PCDH11X: variants seen among roughly 807,000 people sequenced by gnomAD.
The protein encoded by PCDH11X is protocadherin 11 X-linked.
Under a neutral mutation model 53.3 loss-of-function variants are expected in PCDH11X, and 18 were observed. The observed-to-expected ratio is 0.34, with a 90% CI of 0.23 to 0.50. The LOEUF (loss-of-function observed/expected upper bound fraction) is 0.50. Among genes scored for constraint, PCDH11X ranks in the 20% least tolerant of loss-of-function variants. PCDH11X has a pLI of 0.98. For missense variants in PCDH11X, 570 were observed against 1,032.4 expected, an observed-to-expected ratio of 0.55 and a Z score of 6.14; for synonymous variants, 279 against 393.3, an observed-to-expected ratio of 0.71 and a Z score of 3.44.
intron 7 of PCDH11X, among the ~76,000 whole-genome samples, chrX:92,243,891 A>G (rs2067304156): frequency 8.9e-6 from 1 of 111,804 alleles, no homozygotes; most frequent in African/African-American, 3.2e-5. Context: ...GAATGTGAAT[A>G]AAGGGTAGAA....
chrX:91,905,684 T>G (rs1357748566), intron 6 of PCDH11X, among the ~76,000 whole-genome samples: 1 of 111,724 alleles, frequency 9.0e-6, no homozygotes, highest in Non-Finnish European at 1.9e-5. Context: ...CACATGATAT[T>G]TTCATTTTTC....
intron 8 of PCDH11X, among the ~76,000 whole-genome samples, chrX:92,305,528 A>G (rs764845725): frequency 2.7e-5 from 3 of 111,055 alleles, no homozygotes; most frequent in African/African-American, 9.8e-5. Flanking sequence ...CTATCAAATT[A>G]GGACCCCACC....
chrX:92,514,843 C>T (rs927279649), intron 10 of PCDH11X, among the ~76,000 whole-genome samples: 21 of 108,842 alleles, frequency 1.9e-4, no homozygotes, highest in South Asian at 4.0e-4. Flanking sequence ...GTCAGGAGAT[C>T]GAGACCATCC....
intron 6 of PCDH11X, among the ~76,000 whole-genome samples, chrX:91,940,140 C>T (rs2061490781): frequency 9.1e-6 from 1 of 110,454 alleles, no homozygotes; most frequent in Non-Finnish European, 1.9e-5. Context: ...TAGATCTGAT[C>T]ATTTAAAAGT....
intron 10 of PCDH11X, chrX:92,569,772 C>G (rs1921964532): frequency 4.6e-6 from 1 of 216,735 alleles, no homozygotes; most frequent in Non-Finnish European, 8.8e-6. Context: ...AATCCCAGCA[C>G]TTTGGGAGGC....
intron 9 of PCDH11X, among the ~76,000 whole-genome samples, chrX:92,432,603 A>T (rs2072274152): frequency 9.1e-6 from 1 of 110,069 alleles, no homozygotes; most frequent in South Asian, 3.8e-4. Flanking sequence ...AATAGTTGCT[A>T]AATAAATTCT....
intron 10 of PCDH11X, among the ~76,000 whole-genome samples, chrX:92,579,553 T>C (rs964604669): frequency 2.2e-4 from 25 of 111,333 alleles, no homozygotes; most frequent in Non-Finnish European, 4.1e-4. Flanking sequence ...TTGCTACTTG[T>C]GGTTGAATTG....
intron 6 of PCDH11X, among the ~76,000 whole-genome samples, chrX:92,020,644 A>T (rs1323681645): frequency 9.1e-6 from 1 of 109,727 alleles, no homozygotes; most frequent in Non-Finnish European, 1.9e-5. Context: ...GGCAGCCCAG[A>T]TAGGTGGGAT....
intron 6 of PCDH11X, among the ~76,000 whole-genome samples, chrX:91,948,139 TTTAA>T (rs1440448461): frequency 9.4e-6 from 1 of 105,875 alleles, no homozygotes. Flanking sequence ...AATACTATGC[TTTAA>T]TTAAGAGTTT....
At chrX:92,149,487 G>GTATATATATA (rs201866727) in intron 6 of PCDH11X, among the ~76,000 whole-genome samples, 1 of 102,704 alleles carries the variant, frequency 9.7e-6, no homozygotes, top group South Asian at 4.4e-4. Context: ...ATGTGTGTGT[G>GTATATATATA]TATATATATA....
intron 6 of PCDH11X, among the ~76,000 whole-genome samples, chrX:92,110,289 A>C (rs2064475288): frequency 9.1e-6 from 1 of 109,470 alleles, no homozygotes; most frequent in African/African-American, 3.3e-5. Context: ...AAAATCTTAG[A>C]CTAAGATTTC....
At chrX:91,933,481 C>A (rs1002450111) in intron 6 of PCDH11X, among the ~76,000 whole-genome samples, 59 of 111,253 alleles carry the variant, frequency 5.3e-4, no homozygotes, top group African/African-American at 1.9e-3. Context: ...TTTTTTCAAC[C>A]TTCAAACACA....
In PCDH11X at chrX:92,098,378, T is replaced by C. The variant is rs188335490; in HGVS notation, c.3034-102997T>C. Reference sequence around the variant, plus strand: ...AAACTAATAATGAACATGATTGTGATACCATATACCTTCATTTCTATTTTG... The same window carrying C: ...AAACTAATAATGAACATGATTGTGACACCATATACCTTCATTTCTATTTTG... On this transcript the variant is annotated intron_variant, in intron 6 of 10. Transcript: ENST00000682573. 1.3e-3 allele frequency among the ~76,000 whole-genome samples: 144 copies of C among 111,787 alleles called. 1 individual carries two copies. Among genetic ancestry groups the C allele is most frequent in the Admixed American group, 6.1e-3 (64 of 10,449 alleles).
At chrX:92,147,478 A>G (rs1443387963) in intron 6 of PCDH11X, among the ~76,000 whole-genome samples, 1 of 112,223 alleles carries the variant, frequency 8.9e-6, no homozygotes, top group East Asian at 2.8e-4. Flanking sequence ...TTGGCAGTAC[A>G]GTGACAAATA....
intron 6 of PCDH11X, among the ~76,000 whole-genome samples, chrX:91,964,853 G>A (rs1254736371): frequency 1.8e-5 from 2 of 111,440 alleles, no homozygotes; most frequent in Non-Finnish European, 3.8e-5. Flanking sequence ...TTTAGGAACA[G>A]CAGACAGCTC....
intron 6 of PCDH11X, among the ~76,000 whole-genome samples, chrX:92,055,562 A>AT (rs36020535): frequency 1.1e-4 from 12 of 108,810 alleles, no homozygotes; most frequent in South Asian, 4.0e-4. Context: ...TTATTTACTT[A>AT]TTTTTTTTTA....
chrX:91,880,690 T>C (rs1939851501), intron 6 of PCDH11X, among the ~76,000 whole-genome samples: 1 of 110,432 alleles, frequency 9.1e-6, no homozygotes, highest in African/African-American at 3.3e-5. Context: ...GAGCTTCTGT[T>C]AGACTTTAAA....
At chrX:91,798,849 G>A (rs1935834857) in intron 1 of PCDH11X, among the ~76,000 whole-genome samples, 1 of 110,435 alleles carries the variant, frequency 9.1e-6, no homozygotes, top group Admixed American at 9.8e-5. Flanking sequence ...CCACTACATA[G>A]CAGTGAGGTT....
intron 6 of PCDH11X, among the ~76,000 whole-genome samples, chrX:92,004,853 G>A (rs770372304): frequency 1.0e-5 from 1 of 96,398 alleles, no homozygotes; most frequent in Admixed American, 1.3e-4. Context: ...TTGGCTCACT[G>A]CAAGCTCCGC....
Sources: gnomAD v4.1 joint callset for allele counts (sites outside exome capture counted in the v4.1 genomes callset) on GRCh38, gnomAD v4.1.1 for gene constraint, MANE v1.5 for transcripts, NCBI Gene and HGNC (gene_info 2026-07-23, HGNC 2026-07-21) for gene names.